Variants in HDAC9 observed in about 807,000 individuals in gnomAD.
HDAC9 encodes histone deacetylase 9, also known as MEF-2 interacting transcription repressor (MITR) protein.
Under a neutral mutation model 139.4 loss-of-function variants are expected in HDAC9, and 41 were observed. The ratio of observed to expected loss-of-function variants is 0.29; its 90% CI spans 0.23 to 0.38. The LOEUF is 0.38. Ranked by LOEUF, HDAC9 falls within the 10% of genes least tolerant of loss-of-function variation. HDAC9 has a pLI of 1.00. For synonymous variants in HDAC9, 517 were observed against 476.2 expected (o/e 1.09, Z -1.12); for missense variants, 1,147 against 1,297.0 (o/e 0.88, Z 1.78).
chr7:18,916,546 C>T (rs1803227755), intron 22 of HDAC9, among the ~76,000 whole-genome samples: 1 of 151,604 alleles, frequency 6.6e-6, no homozygotes, highest in African/African-American at 2.4e-5. Context: ...AGCTACTGGG[C>T]TTCAGAGAGA....
chr7:18,745,450 A>T (rs946996513), intron 13 of HDAC9, among the ~76,000 whole-genome samples: 1 of 152,080 alleles, frequency 6.6e-6, no homozygotes, highest in African/African-American at 2.4e-5. Context: ...AGGGGGAAAC[A>T]TTACTACAGA....
At chr7:18,234,261 G>A (rs973673157) in intron 2 of HDAC9, among the ~76,000 whole-genome samples, 3 of 152,180 alleles carry the variant, frequency 2.0e-5, no homozygotes, top group African/African-American at 7.2e-5. Context: ...AGGGTCTTAG[G>A]TGTAGTTGGG....
chr7:18,436,371 A>G (rs544652343), intron 1 of HDAC9, among the ~76,000 whole-genome samples: 1 of 152,312 alleles, frequency 6.6e-6, no homozygotes, highest in African/African-American at 2.4e-5. Context: ...AGTTGGTGTA[A>G]TCGTATTAGG....
chr7:19,001,148 ACT>A lies in HDAC9; in HGVS notation c.*5087_*5088del, dbSNP rs1786728249. On this transcript the variant is annotated 3_prime_UTR_variant, in exon 26 of 26. Transcript: ENST00000686413. ...TCTGGCTACTACCTAATCATGTTGT[ACT>A]AGTTATTGTGGAAAGAAAATTGTAC... 6.6e-6 allele frequency: 1 copy of A among 152,190 alleles called. No homozygotes were observed. Among genetic ancestry groups the A allele is most frequent in the Non-Finnish European group, 1.5e-5 (1 of 68,004 alleles). The allele number at this position is 152,190 out of a possible 1,614,324, so 9.4% of individuals were successfully genotyped here. A position where few individuals can be genotyped will look rare whatever the true frequency, so the allele number is the denominator to read the frequency against.
At chr7:18,357,768 G>A (rs966540318) in intron 1 of HDAC9, among the ~76,000 whole-genome samples, 1 of 152,084 alleles carries the variant, frequency 6.6e-6, no homozygotes, top group Non-Finnish European at 1.5e-5. Flanking sequence ...AGTCAGGAAG[G>A]AGCATGGCTT....
At position 18,874,518 on chromosome 7, in the gene HDAC9, A is replaced by G. The variant is rs1799174303; in HGVS notation, c.2725A>G (p.Met909Val). ...TGTGGCCAAAGAGTTTGATCCAGACATGGTCTTAGTATCTGCTGGATTTGA... is the reference window on the plus strand; with the variant it reads ...TGTGGCCAAAGAGTTTGATCCAGACGTGGTCTTAGTATCTGCTGGATTTGA... The part of the protein sequence containing the change: ...KPVAKEFDPD[M>V]VLVSAGFDAL... The change falls in exon 22 of 26, where the codon ATG becomes GTG. Residue 909 changes from methionine (M) to valine (V), a missense_variant. Physicochemically the swap from Met to Val is conservative, Grantham distance 21. Coordinates refer to ENST00000686413, the MANE Select transcript of HDAC9 (RefSeq NM_178425.4). 5.6e-6 allele frequency: 9 copies of G among 1,594,422 alleles called. No individual in the cohort carries two copies. The highest frequency in any genetic ancestry group is 1.1e-5 in the South Asian group (1 of 87,734).
intron 21 of HDAC9, among the ~76,000 whole-genome samples, chr7:18,840,013 G>C (rs932238224): frequency 6.6e-6 from 1 of 151,980 alleles, no homozygotes; most frequent in Admixed American, 6.6e-5. Context: ...AATTTCCAAC[G>C]AATAAGATTT....
chr7:18,488,485 A>G (rs1000408661), intron 1 of HDAC9, among the ~76,000 whole-genome samples: 1 of 151,986 alleles, frequency 6.6e-6, no homozygotes, highest in African/African-American at 2.4e-5. Flanking sequence ...AAATTGTGTT[A>G]TAAGTTTCTG....
At chr7:18,298,644 A>G (rs145045719) in intron 1 of HDAC9, among the ~76,000 whole-genome samples, 152 of 152,308 alleles carry the variant, frequency 1.0e-3, no homozygotes, top group African/African-American at 3.4e-3. Context: ...TAATTTTCAA[A>G]AGTTTTTACT....
At chr7:18,741,113 A>T (rs1451728076) in intron 13 of HDAC9, among the ~76,000 whole-genome samples, 1 of 152,212 alleles carries the variant, frequency 6.6e-6, no homozygotes, top group East Asian at 1.9e-4. Flanking sequence ...TAGAAGCTAC[A>T]ACACGTTTTC....
intron 22 of HDAC9, among the ~76,000 whole-genome samples, chr7:18,904,149 A>G (rs965357571): frequency 1.3e-5 from 2 of 152,366 alleles, no homozygotes; most frequent in South Asian, 2.1e-4. Flanking sequence ...TCTTTTAAGT[A>G]GATAAAGTTT....
chr7:18,988,702 C>G (rs1040883870), intron 25 of HDAC9, among the ~76,000 whole-genome samples: 1 of 150,956 alleles, frequency 6.6e-6, no homozygotes, highest in Non-Finnish European at 1.5e-5. Context: ...GAGTCTAAGT[C>G]TCTTTGTAGG....
chr7:18,469,471 T>G (rs1168615302), intron 1 of HDAC9, among the ~76,000 whole-genome samples: 1 of 152,022 alleles, frequency 6.6e-6, no homozygotes, highest in Non-Finnish European at 1.5e-5. Flanking sequence ...AAACTCACAT[T>G]AACGAGAAAA....
chr7:18,925,715 G>A (rs572794858), intron 22 of HDAC9, among the ~76,000 whole-genome samples: 23 of 151,476 alleles, frequency 1.5e-4, no homozygotes, highest in South Asian at 8.4e-4. Flanking sequence ...TTCATTTGGT[G>A]TGTTATATTT....
intron 13 of HDAC9, among the ~76,000 whole-genome samples, chr7:18,732,956 T>TGTATACACAC (rs1786435715): frequency 1.4e-5 from 2 of 141,554 alleles, no homozygotes; most frequent in Admixed American, 6.9e-5. Context: ...CACGTGTATG[T>TGTATACACAC]GTGTGTATGT....
At chr7:18,965,292 A>G (rs1783773041) in intron 24 of HDAC9, among the ~76,000 whole-genome samples, 1 of 152,158 alleles carries the variant, frequency 6.6e-6, no homozygotes, top group Admixed American at 6.5e-5. Flanking sequence ...ATAAAAGTTA[A>G]TTTTCAAAAA....
chr7:18,223,960 A>G (rs1384608271), intron 2 of HDAC9, among the ~76,000 whole-genome samples: 1 of 152,192 alleles, frequency 6.6e-6, no homozygotes, highest in East Asian at 1.9e-4. Context: ...CACTAATTGT[A>G]ATTGCACAAT....
chr7:18,640,357 TA>T (rs56655676), intron 8 of HDAC9, among the ~76,000 whole-genome samples: 2,331 of 65,968 alleles, frequency 0.035, 74 homozygotes, highest in African/African-American at 0.076. Context: ...GATCCTGTCT[TA>T]AAAAAAAAAA....
In HDAC9 at chr7:18,689,220, A is replaced by G. The variant is rs184054963; in HGVS notation, c.1731+22744A>G. ...GGGGGAGCTTTCTTTTCTAAACATT[A>G]TTGCAACTTCCAAATGAATACATTA... On this transcript the variant is annotated intron_variant, in intron 12 of 25. Coordinates refer to ENST00000686413, the MANE Select transcript of HDAC9 (RefSeq NM_178425.4). Among the ~76,000 whole-genome samples, 760 of 151,576 alleles carry G rather than the reference A, an allele frequency of 5.0e-3. 1 individual carries two copies. The highest frequency in any genetic ancestry group is 7.9e-3 in the Non-Finnish European group (539 of 67,930).
Sources: allele counts gnomAD v4.1 joint callset (sites outside exome capture counted in the v4.1 genomes callset), GRCh38; gene constraint gnomAD v4.1.1; transcripts MANE v1.5; gene names NCBI Gene and HGNC (gene_info 2026-07-23, HGNC 2026-07-21).